The following KIF3B variants were observed in gnomAD, a reference collection of about 807,000 sequenced individuals.
The protein encoded by KIF3B is kinesin family member 3B.
In KIF3B, 38 loss-of-function variants were observed where a neutral mutation model predicts 74.3. That is an observed-to-expected ratio of 0.51 (90% CI 0.39 to 0.67). KIF3B has a LOEUF of 0.67. Ranked by LOEUF, KIF3B falls within the 30% of genes least tolerant of loss-of-function variation. KIF3B has a pLI of 0.00. For synonymous variants in KIF3B, 326 were observed against 342.5 expected, an observed-to-expected ratio of 0.95 and a Z score of 0.53; for missense variants, 649 against 932.0, an observed-to-expected ratio of 0.70 and a Z score of 3.95.
intron 5 of KIF3B, among the ~76,000 whole-genome samples, chr20:32,326,249 A>C (rs1273670922): frequency 6.6e-6 from 1 of 152,210 alleles, no homozygotes; most frequent in East Asian, 1.9e-4. Flanking sequence ...CAGGGGCTGA[A>C]ATCCACTTAG....
chr20:32,300,679 G>A (rs1338332620), intron 1 of KIF3B, among the ~76,000 whole-genome samples: 1 of 152,154 alleles, frequency 6.6e-6, no homozygotes, highest in Non-Finnish European at 1.5e-5. Context: ...CTCGCAGAGT[G>A]CTAGGATTAC....
intron 1 of KIF3B, among the ~76,000 whole-genome samples, chr20:32,291,542 C>T (rs563745913): frequency 6.6e-6 from 1 of 151,956 alleles, no homozygotes; most frequent in South Asian, 2.1e-4. Flanking sequence ...AAAATAATAA[C>T]ATTTTTTTAC....
Position 32,310,756 on chromosome 20 carries a change from A to G in KIF3B, c.979A>G (p.Thr327Ala), listed in dbSNP as rs1286784108. Residue 327 changes from threonine (T) to alanine (A), a missense_variant, in exon 2 of 9, where the codon ACT becomes GCT. Coordinates refer to ENST00000375712, the MANE Select transcript of KIF3B (RefSeq NM_004798.4). This position sits in a 1 kb window ranked among gnomAD's most constrained non-coding sequence, Gnocchi z 6.5. Reference protein sequence around the residue: ...VGPASYNVEETLTTLRYANRA... With the variant: ...VGPASYNVEEALTTLRYANRA... ...GCCTGCCTCTTACAACGTAGAAGAG[A>G]CTCTGACCACTCTGCGATATGCCAA... The G allele has an allele frequency of 6.2e-7, 1 of 1,614,076 alleles. No individual in the cohort carries two copies. Among genetic ancestry groups the G allele is most frequent in the East Asian group, 2.2e-5 (1 of 44,878 alleles).
rs964091646 is a variant in KIF3B, at chr20:32,330,606, T to C, written c.2147+287T>C. Among the ~76,000 whole-genome samples, 4 of 152,258 alleles carry C rather than the reference T, an allele frequency of 2.6e-5. No individual in the cohort carries two copies. In the South Asian group the frequency reaches 8.3e-4, roughly 31 times the overall value. On this transcript the variant is annotated intron_variant, in intron 8 of 8. Coordinates refer to ENST00000375712, the MANE Select transcript of KIF3B (RefSeq NM_004798.4). The stretch of plus-strand genomic sequence containing the variant: ...GTTCTCATGAGGTGTCCGGTAGTTC[T>C]AAGTGCTTTACAAACATTCTCTTAA...
chr20:32,310,764 C>G lies in KIF3B; in HGVS notation c.987C>G (p.Thr329=). ...PASYNVEETL[T]TLRYANRAKN... Reference sequence around the variant, plus strand: ...CTTACAACGTAGAAGAGACTCTGACCACTCTGCGATATGCCAACCGTGCCA... The same window carrying G: ...CTTACAACGTAGAAGAGACTCTGACGACTCTGCGATATGCCAACCGTGCCA... Residue 329 remains threonine, a synonymous_variant, in exon 2 of 9, where the codon ACC becomes ACG. Transcript: ENST00000375712. This position sits in a 1 kb window ranked among gnomAD's most constrained non-coding sequence, Gnocchi z 6.5. The G allele has an allele frequency of 1.2e-6, 2 of 1,614,144 alleles. No homozygotes were observed. Among genetic ancestry groups the G allele is most frequent in the Non-Finnish European group, 1.7e-6 (2 of 1,180,008 alleles).
At position 32,281,409 on chromosome 20, in the gene KIF3B, C is replaced by A. The variant is rs1327782229; in HGVS notation, c.-66+3644C>A. Among the ~76,000 whole-genome samples the A allele has an allele frequency of 3.9e-5, 6 of 152,188 alleles. No homozygotes were observed. In the East Asian group the frequency reaches 9.6e-4, roughly 24 times the overall value. On this transcript the variant is annotated intron_variant, in intron 1 of 8. Transcript: ENST00000375712. ...CTAGAATGTGTCAGTTCTGTTTTAG[C>A]CTGGAGATATCATGGTAGAAAGGTA...
intron 1 of KIF3B, among the ~76,000 whole-genome samples, chr20:32,282,207 T>A (rs2047646519): frequency 2.0e-5 from 3 of 152,184 alleles, no homozygotes; most frequent in Admixed American, 1.3e-4. Flanking sequence ...TCTAGGTTGG[T>A]GGCAGTGGAG....
intron 1 of KIF3B, among the ~76,000 whole-genome samples, chr20:32,299,070 C>T (rs947952344): frequency 6.6e-6 from 1 of 152,054 alleles, no homozygotes; most frequent in African/African-American, 2.4e-5. Context: ...GTTTCTCACT[C>T]AGCCTATTTA....
At chr20:32,279,070 T>C (rs1410955674) in intron 1 of KIF3B, among the ~76,000 whole-genome samples, 1 of 151,754 alleles carries the variant, frequency 6.6e-6, no homozygotes, top group Non-Finnish European at 1.5e-5. Flanking sequence ...ACTACAGATG[T>C]TCACCACCTC....
In KIF3B at chr20:32,327,654, G is replaced by A; in HGVS notation, c.1961G>A (p.Arg654Gln). 1.2e-6 allele frequency: 2 copies of A among 1,611,788 alleles called. No homozygotes were observed. Among genetic ancestry groups the A allele is most frequent in the East Asian group, 2.2e-5 (1 of 44,822 alleles). The change falls in exon 7 of 9, where the codon CGA becomes CAA. Residue 654 changes from arginine to glutamine, a missense_variant. Arg to Gln is a conservative substitution (Grantham distance 43). Around this residue, in one of 4 missense-constraint regions of KIF3B, gnomAD observed 186 missense variants for 198.5 expected, o/e 0.94. Transcript: ENST00000375712. Reference sequence around the variant, plus strand: ...TCCATGATGATTCGTCCAGAGGCCCGATATAGGGTGAGAAGATCCTTCTTG... The same window carrying A: ...TCCATGATGATTCGTCCAGAGGCCCAATATAGGGTGAGAAGATCCTTCTTG... Reference protein sequence around the residue: ...RMSMMIRPEARYRAENIVLLE... With the variant: ...RMSMMIRPEAQYRAENIVLLE...
At chr20:32,285,680 G>T (rs1229950113) in intron 1 of KIF3B, among the ~76,000 whole-genome samples, 1 of 152,116 alleles carries the variant, frequency 6.6e-6, no homozygotes, top group East Asian at 1.9e-4. Flanking sequence ...GTAAAATAAA[G>T]ATATAGGACA....
chr20:32,308,042 C>G (rs942610436), intron 1 of KIF3B, among the ~76,000 whole-genome samples: 1 of 151,128 alleles, frequency 6.6e-6, no homozygotes, highest in Non-Finnish European at 1.5e-5. Flanking sequence ...TGAGACCAGC[C>G]TGGCCAACAT....
rs1037068495 is a variant in KIF3B at position 32,284,906 on chromosome 20, A to T, written c.-66+7141A>T. On this transcript the variant is annotated intron_variant, in intron 1 of 8. Coordinates refer to ENST00000375712, the MANE Select transcript of KIF3B (RefSeq NM_004798.4). ...ACCTCACACCAATCCTGTAACACAG[A>T]TTTCCAGAAGAGGAAAGTAGAGGCT... Among the ~76,000 whole-genome samples the T allele has an allele frequency of 2.0e-5, 3 of 152,166 alleles. No homozygotes were observed. In the East Asian group the frequency reaches 5.8e-4, roughly 29 times the overall value.
chr20:32,324,501 A>G (rs1364073397), intron 5 of KIF3B, among the ~76,000 whole-genome samples: 1 of 152,096 alleles, frequency 6.6e-6, no homozygotes, highest in Non-Finnish European at 1.5e-5. Context: ...GCACTTTGAG[A>G]ACTCTTGGTC....
chr20:32,302,977 A>C (rs1210197341), intron 1 of KIF3B, among the ~76,000 whole-genome samples: 1 of 152,164 alleles, frequency 6.6e-6, no homozygotes, highest in Non-Finnish European at 1.5e-5. Context: ...ACTTTCTTTA[A>C]ACATTATGAG....
intron 1 of KIF3B, among the ~76,000 whole-genome samples, chr20:32,302,747 T>A (rs2122680473): frequency 6.6e-6 from 1 of 152,246 alleles, no homozygotes; most frequent in Middle Eastern, 3.4e-3. Flanking sequence ...GGATTTTCCC[T>A]TTGCACCTAG....
At chr20:32,331,103 A>G (rs1204137557) in intron 8 of KIF3B, 120 bp from the exon 9 acceptor site, 1 of 758,866 alleles carries the variant, frequency 1.3e-6, no homozygotes, top group Non-Finnish European at 2.3e-6. Context: ...GTGGTTTTAC[A>G]GTTGAACTTG....
At chr20:32,305,972 A>G (rs1484040718) in intron 1 of KIF3B, among the ~76,000 whole-genome samples, 3 of 150,728 alleles carry the variant, frequency 2.0e-5, no homozygotes, top group African/African-American at 7.3e-5. Context: ...TGTAATCCTA[A>G]CTATTCGGGA....
At chr20:32,300,972 C>T (rs1462077869) in intron 1 of KIF3B, among the ~76,000 whole-genome samples, 1 of 151,638 alleles carries the variant, frequency 6.6e-6, no homozygotes, top group Non-Finnish European at 1.5e-5. Flanking sequence ...ACGTGATCCT[C>T]TCGCCTCAAT....
Sources: allele counts gnomAD v4.1 joint callset (sites outside exome capture counted in the v4.1 genomes callset), GRCh38; gene constraint gnomAD v4.1.1; regional missense constraint gnomAD v4.1.1; non-coding constraint Gnocchi (gnomAD v3.1); transcripts MANE v1.5; gene names NCBI Gene and HGNC (gene_info 2026-07-23, HGNC 2026-07-21).